SORBS3: variants seen among roughly 807,000 people sequenced by gnomAD.
SORBS3 encodes the protein sorbin and SH3 domain containing 3.
In SORBS3, 69 loss-of-function variants were observed where a neutral mutation model predicts 98.0. That is an observed-to-expected ratio of 0.70 (90% confidence interval 0.58 to 0.86). The LOEUF (loss-of-function observed/expected upper bound fraction) is 0.86. SORBS3 is among the 40% of genes least tolerant of loss of function. The pLI, the probability that SORBS3 is intolerant of heterozygous loss-of-function variation, is 0.00. For missense variants in SORBS3, 954 were observed against 908.5 expected (o/e 1.05, Z -0.64); for synonymous variants, 394 against 355.4 (o/e 1.11, Z -1.22).
rs1224752618 is a variant in SORBS3, at chr8:22,558,207, C to T, written c.478+15C>T. Reference sequence around the variant, plus strand: ...GAAAATGCCAGGTAAGATACCCTTCCAGGGCCCTCTCCCTGCCAAAGTGGA... The same window carrying T: ...GAAAATGCCAGGTAAGATACCCTTCTAGGGCCCTCTCCCTGCCAAAGTGGA... On this transcript the variant is annotated intron_variant, in intron 5 of 20. Transcript: ENST00000240123. The T allele has an allele frequency of 1.9e-6, 3 of 1,613,264 alleles. No homozygotes were observed. The highest frequency in any genetic ancestry group is 2.5e-6 in the Non-Finnish European group (3 of 1,179,334).
Position 22,556,787 on chromosome 8 carries a change from A to G in SORBS3, c.293A>G (p.Gln98Arg). 2 of 1,613,830 alleles carry G rather than the reference A, an allele frequency of 1.2e-6. No individual in the cohort carries two copies. Among genetic ancestry groups the G allele is most frequent in the Non-Finnish European group, 1.7e-6 (2 of 1,180,034 alleles). ...GCAAGCACAAAGATCCCTGCCTCCC[A>G]GCACACCCAGAACTGGTCAGCCACG... ...PSASTKIPAS[Q>R]HTQNWSATWT... is the part of the protein sequence containing the mutation. The change falls in exon 4 of 21, where the codon CAG (glutamine) becomes CGG (arginine). Residue 98 changes from glutamine to arginine, a missense_variant. Transcript: ENST00000240123.
At chr8:22,556,960 GA>G in intron 4 of SORBS3, 52 bp downstream of exon 4, 1 of 1,590,540 alleles carries the variant, frequency 6.3e-7, no homozygotes, top group Non-Finnish European at 8.6e-7. Flanking sequence ...GATCTACAGG[GA>G]GCTGCACTTC....
Position 22,566,463 on chromosome 8 carries a change from G to C in SORBS3, c.1069G>C (p.Val357Leu). ...GSPFLGRRDF[V>L]YPSSTRDPSA... ...CCCCTTCCTAGGTCGGAGGGACTTTGTCTACCCTTCCTCAACCCGAGGTAA... is the reference window on the plus strand; with the variant it reads ...CCCCTTCCTAGGTCGGAGGGACTTTCTCTACCCTTCCTCAACCCGAGGTAA... The change falls in exon 13 of 21, where the codon GTC (valine) becomes CTC (leucine). Residue 357 changes from valine (V) to leucine (L), a missense_variant. By Grantham distance (32) the Val-to-Leu change is conservative. Transcript: ENST00000240123. 1 of 1,613,926 alleles carries C rather than the reference G, an allele frequency of 6.2e-7. No individual in the cohort carries two copies. Among genetic ancestry groups the C allele is most frequent in the Non-Finnish European group, 8.5e-7 (1 of 1,179,908 alleles).
rs775188135 is a variant in SORBS3 at position 22,554,609 on chromosome 8, G to T, written c.102+1G>T. 3 of 1,611,410 alleles carry T rather than the reference G, an allele frequency of 1.9e-6. No individual in the cohort carries two copies. The South Asian group carries it at 3.3e-5, about 18-fold the overall frequency. ...AGGGTCTTCCTCCCGGGGGACACGGGTGAGTGAGTCAGTAGGGAGGAGGGT... is the reference window on the plus strand; with the variant it reads ...AGGGTCTTCCTCCCGGGGGACACGGTTGAGTGAGTCAGTAGGGAGGAGGGT... On this transcript the variant is annotated splice_donor_variant, in intron 2 of 20. Transcript: ENST00000240123. LOFTEE classifies it high-confidence loss of function. The surrounding 1 kb of genome is among the most constrained non-coding windows in gnomAD (Gnocchi z 6.5).
At chr8:22,547,959 GA>G (rs1439772922), upstream of SORBS3, among the ~76,000 whole-genome samples, 5 of 152,298 alleles carry the variant, frequency 3.3e-5, no homozygotes, top group African/African-American at 7.2e-5. Flanking sequence ...ACCCAGAATA[GA>G]TGCCCATTAT....
At chr8:22,550,246 C>T (rs1840060978), upstream of SORBS3, among the ~76,000 whole-genome samples, 1 of 152,216 alleles carries the variant, frequency 6.6e-6, no homozygotes, top group Non-Finnish European at 1.5e-5. Flanking sequence ...CCCCTGCCAT[C>T]CCCATCTCTC....
chr8:22,575,590 G>C lies in SORBS3; in HGVS notation c.*862G>C, dbSNP rs1391948922. The C allele has an allele frequency of 6.6e-6, 1 of 152,620 alleles. No homozygotes were observed. The highest frequency in any genetic ancestry group is 2.0e-4 in the South Asian group (1 of 4,902). 9.5% of individuals were successfully genotyped at this position (152,620 alleles called of 1,614,324 possible). A position where few individuals can be genotyped will look rare whatever the true frequency, so the allele number is the denominator to read the frequency against. ...TGTGGAGGGCTGTGCTGGGAGACAG[G>C]TGGGACAGGTGTGTGTGTAAGAGGA... On this transcript the variant is annotated 3_prime_UTR_variant, in exon 21 of 21. Transcript: ENST00000240123.
chr8:22,560,829 A>ATGCGTG (rs1198971913), intron 5 of SORBS3: 2 of 117,206 alleles, frequency 1.7e-5, no homozygotes, highest in Admixed American at 1.8e-4. Flanking sequence ...GTTGCAGCGC[A>ATGCGTG]TGCGTGTGTG....
chr8:22,569,122 C>A, intron 16 of SORBS3, 26 bp from the exon 17 acceptor site: 1 of 1,591,302 alleles, frequency 6.3e-7, no homozygotes, highest in Non-Finnish European at 8.6e-7. Flanking sequence ...CAGGCCAAAT[C>A]TTTCTCATGA....
At chr8:22,572,982 C>G (rs1178867548) in intron 20 of SORBS3, among the ~76,000 whole-genome samples, 1 of 152,246 alleles carries the variant, frequency 6.6e-6, no homozygotes, top group Non-Finnish European at 1.5e-5. Flanking sequence ...TGGCCTCTTT[C>G]CCCAGAGTGG....
Position 22,565,264 on chromosome 8 carries a change from C to T in SORBS3, c.817-4C>T. On this transcript the variant is annotated splice_polypyrimidine_tract_variant and splice_region_variant and intron_variant, in intron 10 of 20. Coordinates refer to ENST00000240123, the MANE Select transcript of SORBS3 (RefSeq NM_005775.5). The stretch of plus-strand genomic sequence containing the variant: ...CTCACTGCCCAGCCTCTCCCCGCCC[C>T]CAGGTGCTGCTGGAGAGAGAGCTGG... The T allele has an allele frequency of 6.4e-7, 1 of 1,551,226 alleles. No individual in the cohort carries two copies. The highest frequency in any genetic ancestry group is 8.7e-7 in the Non-Finnish European group (1 of 1,147,274).
At chr8:22,557,644 A>T (rs1234034737) in intron 4 of SORBS3, among the ~76,000 whole-genome samples, 4 of 59,608 alleles carry the variant, frequency 6.7e-5, no homozygotes, top group South Asian at 1.2e-3. Flanking sequence ...TGTCTCTATA[A>T]AAAAAAAAAT....
intron 17 of SORBS3, among the ~76,000 whole-genome samples, chr8:22,570,149 TC>T (rs1238682775): frequency 1.3e-5 from 2 of 152,068 alleles, no homozygotes; most frequent in African/African-American, 4.8e-5. Flanking sequence ...GTGATCATGC[TC>T]CCAAAATAAG....
At chr8:22,562,060 C>G (rs1476365808) in intron 7 of SORBS3, 129 bp downstream of exon 7, 22 of 804,248 alleles carry the variant, frequency 2.7e-5, no homozygotes, top group Non-Finnish European at 4.6e-5. Context: ...GTCTCACTTC[C>G]GTGTCCGTCT....
At chr8:22,549,564 T>C (rs1233708082), upstream of SORBS3, among the ~76,000 whole-genome samples, 2 of 152,234 alleles carry the variant, frequency 1.3e-5, no homozygotes, top group African/African-American at 4.8e-5. Flanking sequence ...CCCTGCCCTG[T>C]GGCCCACTGT....
chr8:22,565,120 C>T, intron 10 of SORBS3, 148 bp from the exon 11 acceptor site: 7 of 1,466,310 alleles, frequency 4.8e-6, no homozygotes, highest in Non-Finnish European at 6.3e-6. Flanking sequence ...TGGGCCACAC[C>T]TCCTGGCAGG....
chr8:22,559,239 C>A (rs527358619), intron 5 of SORBS3, among the ~76,000 whole-genome samples: 13 of 152,084 alleles, frequency 8.5e-5, no homozygotes, highest in Non-Finnish European at 1.9e-4. Flanking sequence ...TAGACCAGGG[C>A]GGTAGCAGTG....
upstream of SORBS3, chr8:22,551,695 C>T: frequency 1.0e-6 from 1 of 979,040 alleles, no homozygotes; most frequent in Non-Finnish European, 1.2e-6. The surrounding 1 kb of genome is among the most constrained non-coding windows in gnomAD (Gnocchi z 5.8). Context: ...CCAGTGTCCC[C>T]GCGCGCGCCC....
Position 22,564,526 on chromosome 8 carries a change from G to A in SORBS3, c.816+5G>A. On this transcript the variant is annotated splice_donor_5th_base_variant and intron_variant, in intron 10 of 20. Coordinates refer to ENST00000240123, the MANE Select transcript of SORBS3 (RefSeq NM_005775.5). ...AAGCCCTCCCAGCCCATTGAGGTGA[G>A]TGCTGCAGGGTGCTGGGGACAGCAG... The A allele has an allele frequency of 6.2e-7, 1 of 1,614,056 alleles. No individual in the cohort carries two copies. Among genetic ancestry groups the A allele is most frequent in the African/African-American group, 1.3e-5 (1 of 75,068 alleles).
Sources: gnomAD v4.1 joint callset for allele counts (sites outside exome capture counted in the v4.1 genomes callset) on GRCh38, gnomAD v4.1.1 for gene constraint, Gnocchi (gnomAD v3.1) non-coding constraint, MANE v1.5 for transcripts, NCBI Gene and HGNC (gene_info 2026-07-23, HGNC 2026-07-21) for gene names.